Variants in PCDHA10 observed in about 807,000 individuals in gnomAD.
PCDHA10 encodes the protein protocadherin alpha-10.
In PCDHA10, 45 loss-of-function variants were observed where a neutral mutation model predicts 61.2. The observed-to-expected ratio is 0.74, with a 90% CI of 0.58 to 0.94. PCDHA10 has a LOEUF of 0.94. PCDHA10 is among the 40% of genes least tolerant of loss of function. PCDHA10 has a pLI of 0.00. For synonymous variants in PCDHA10, 602 were observed against 548.8 expected (o/e 1.10, Z -1.35); for missense variants, 1,278 against 1,236.2 (o/e 1.03, Z -0.51).
At chr5:140,898,961 G>A (rs1405112699) in intron 1 of PCDHA10, among the ~76,000 whole-genome samples, 1 of 152,036 alleles carries the variant, frequency 6.6e-6, no homozygotes, top group African/African-American at 2.4e-5. Flanking sequence ...AGTTGTGAAT[G>A]GGAGTTCACT....
chr5:140,960,606 T>C (rs565459983), intron 1 of PCDHA10, among the ~76,000 whole-genome samples: 2 of 152,176 alleles, frequency 1.3e-5, no homozygotes, highest in African/African-American at 4.8e-5. Context: ...ACTTCAACAA[T>C]ATCTAGTGTG....
At chr5:140,952,158 G>A (rs2094696814) in intron 1 of PCDHA10, among the ~76,000 whole-genome samples, 1 of 151,946 alleles carries the variant, frequency 6.6e-6, no homozygotes, top group Non-Finnish European at 1.5e-5. Flanking sequence ...GTGGCTTTGT[G>A]GGGTTCAGTT....
chr5:140,897,781 T>G (rs1437567567), intron 1 of PCDHA10, among the ~76,000 whole-genome samples: 1 of 152,172 alleles, frequency 6.6e-6, no homozygotes, highest in East Asian at 1.9e-4. Flanking sequence ...TCCACAATGG[T>G]TGAACTAGTT....
intron 1 of PCDHA10, among the ~76,000 whole-genome samples, chr5:140,911,608 T>C (rs1045101856): frequency 1.3e-5 from 2 of 152,180 alleles, no homozygotes; most frequent in Non-Finnish European, 2.9e-5. Context: ...TTCATTATGT[T>C]CCTTAGTTCC....
At chr5:140,969,004 T>C (rs1554231338) in intron 1 of PCDHA10, 2 of 1,614,060 alleles carry the variant, frequency 1.2e-6, no homozygotes, top group East Asian at 2.2e-5. Flanking sequence ...GAGGCTTCTG[T>C]GGAGTAAGGG....
intron 1 of PCDHA10, among the ~76,000 whole-genome samples, chr5:140,976,117 G>C (rs782098917): frequency 5.4e-4 from 82 of 152,208 alleles, no homozygotes; most frequent in Admixed American, 1.4e-3. Flanking sequence ...ATTTTTCCAA[G>C]TTTAATCAAG....
At chr5:140,938,395 C>G (rs2092045479) in intron 1 of PCDHA10, among the ~76,000 whole-genome samples, 1 of 152,114 alleles carries the variant, frequency 6.6e-6, no homozygotes, top group African/African-American at 2.4e-5. Context: ...ATATGAAATA[C>G]ATTGTTTGAT....
intron 1 of PCDHA10, among the ~76,000 whole-genome samples, chr5:140,954,810 A>C (rs1169811573): frequency 6.6e-6 from 1 of 151,948 alleles, no homozygotes; most frequent in Non-Finnish European, 1.5e-5. Context: ...CTTTTGTTGA[A>C]ATTGCTTTAG....
chr5:140,872,802 A>T (rs533671542), intron 1 of PCDHA10, among the ~76,000 whole-genome samples: 128 of 152,330 alleles, frequency 8.4e-4, no homozygotes, highest in Admixed American at 2.4e-3. Flanking sequence ...GCATTCTTCC[A>T]TAAGTTTTTC....
intron 1 of PCDHA10, chr5:140,870,259 T>G: frequency 6.2e-7 from 1 of 1,614,190 alleles, no homozygotes; most frequent in African/African-American, 1.3e-5. Flanking sequence ...ACAGGTGACC[T>G]GCTCGCTGAC....
chr5:140,862,838 T>A (rs555167030), intron 1 of PCDHA10: 1 of 575,064 alleles, frequency 1.7e-6, no homozygotes, highest in South Asian at 1.4e-5. Flanking sequence ...GACGCGGGCA[T>A]GCCGCCTCTG....
chr5:140,877,018 A>G, intron 1 of PCDHA10: 1 of 1,612,420 alleles, frequency 6.2e-7, no homozygotes, highest in Non-Finnish European at 8.5e-7. Flanking sequence ...GGAGAGCGGC[A>G]AGGTGTACGC....
intron 1 of PCDHA10, chr5:140,875,542 T>A: frequency 6.2e-7 from 1 of 1,614,134 alleles, no homozygotes; most frequent in Non-Finnish European, 8.5e-7. Flanking sequence ...CCTTGCAGCC[T>A]GGGAGGTGGG....
intron 1 of PCDHA10, chr5:140,875,942 C>T: frequency 1.2e-6 from 2 of 1,614,190 alleles, no homozygotes; most frequent in Non-Finnish European, 1.7e-6. Context: ...CTAGAGGGCG[C>T]TTCTGATGCG....
In PCDHA10 at chr5:140,857,655, C is replaced by T. The variant is rs782490979; in HGVS notation, c.1607C>T (p.Ala536Val). Residue 536 changes from alanine (A) to valine (V), a missense_variant, in exon 1 of 4, where the codon GCG becomes GTG. Transcript: ENST00000307360. ...GAGCTGCTACAGTTCCAGGTGAGCG[C>T]GCGCGATGGGGGCGTGCCGCCTCTG... ...ELELLQFQVS[A>V]RDGGVPPLGS... The T allele has an allele frequency of 6.3e-7, 1 of 1,596,728 alleles. No homozygotes were observed. The highest frequency in any genetic ancestry group is 8.6e-7 in the Non-Finnish European group (1 of 1,167,744).
At chr5:141,000,415 ATATATATTTTTTTT>A (rs2097922429) in intron 3 of PCDHA10, among the ~76,000 whole-genome samples, 2 of 87,398 alleles carry the variant, frequency 2.3e-5, no homozygotes, top group Non-Finnish European at 4.3e-5. Flanking sequence ...ATATATATAT[ATATATATTTTTTTT>A]TTTTTTTTTT....
chr5:140,882,331 C>A, intron 1 of PCDHA10: 1 of 1,614,214 alleles, frequency 6.2e-7, no homozygotes, highest in South Asian at 1.1e-5. Context: ...TTCTGATCCT[C>A]GCAGCCTGGG....
chr5:141,001,529 A>T (rs1344687772), intron 3 of PCDHA10, among the ~76,000 whole-genome samples: 1 of 152,106 alleles, frequency 6.6e-6, no homozygotes, highest in Non-Finnish European at 1.5e-5. Context: ...TCTCTCTCTG[A>T]TCCTGGACAG....
intron 1 of PCDHA10, chr5:140,881,433 T>A (rs1554172102): frequency 1.1e-6 from 1 of 872,990 alleles, no homozygotes; most frequent in African/African-American, 1.8e-5. Context: ...AGGCATATTT[T>A]ATAAAAACAG....
Sources: gnomAD v4.1 joint callset for allele counts (sites outside exome capture counted in the v4.1 genomes callset) on GRCh38, gnomAD v4.1.1 for gene constraint, MANE v1.5 for transcripts, NCBI Gene and HGNC (gene_info 2026-07-23, HGNC 2026-07-21) for gene names.